Variants in SLC36A4 observed in about 807,000 individuals in gnomAD.
The protein encoded by SLC36A4 is solute carrier family 36 member 4.
Under a neutral mutation model 50.5 loss-of-function variants are expected in SLC36A4, and 49 were observed. The ratio of observed to expected loss-of-function variants is 0.97; its 90% CI spans 0.77 to 1.23. The LOEUF (loss-of-function observed/expected upper bound fraction) is 1.23, where lower values mean the gene tolerates loss of function less well. Ranked by LOEUF, SLC36A4 falls within the 50% of genes most tolerant of loss-of-function variation. The pLI is 0.00. For synonymous variants in SLC36A4, 207 were observed against 206.5 expected (o/e 1.00, Z -0.02); for missense variants, 611 against 608.4 (o/e 1.00, Z -0.05).
Position 93,184,450 on chromosome 11 carries a change from T to G in SLC36A4, c.250A>C (p.Ile84Leu), listed in dbSNP as rs1286137531. 1 of 1,609,076 alleles carries G rather than the reference T, an allele frequency of 6.2e-7. No homozygotes were observed. Among genetic ancestry groups the G allele is most frequent in the Non-Finnish European group, 8.5e-7 (1 of 1,175,724 alleles). The change falls in exon 3 of 11, where the codon ATA becomes CTA. Residue 84 changes from isoleucine to leucine, a missense_variant. Transcript: ENST00000326402. ...CTTACCACTATGCCTGCATTTTTTA[T>G]TGCCAATGGAAGTCCTAAAAGGCCA... is the stretch of plus-strand genomic sequence containing the variant. ...GTGLLGLPLA[I>L]KNAGIVLGPI... is the part of the protein sequence containing the mutation.
At chr11:93,186,367 C>T (rs1441327076) in intron 1 of SLC36A4, among the ~76,000 whole-genome samples, 1 of 152,108 alleles carries the variant, frequency 6.6e-6, no homozygotes, top group Non-Finnish European at 1.5e-5. Flanking sequence ...ATTTAATCTA[C>T]ATTCCATATT....
In SLC36A4 at chr11:93,185,685, A is replaced by G; in HGVS notation, c.179+6T>C. The G allele has an allele frequency of 1.7e-5, 27 of 1,580,194 alleles. No homozygotes were observed. The highest frequency in any genetic ancestry group is 2.3e-5 in the Non-Finnish European group (27 of 1,170,102). On this transcript the variant is annotated splice_donor_region_variant and intron_variant, in intron 2 of 10. Coordinates refer to ENST00000326402, the MANE Select transcript of SLC36A4 (RefSeq NM_152313.4). ...GAAAAGGAGACTTATAAACCATAAC[A>G]CTTACGAAATGCCCTCTTGATCATC...
At chr11:93,171,400 C>T (rs1335106174) in intron 6 of SLC36A4, 6 of 152,088 alleles carry the variant, frequency 3.9e-5, no homozygotes, top group Admixed American at 6.6e-5. Flanking sequence ...AGACAATGTC[C>T]CATGGGGTGA....
chr11:93,173,316 G>GT (rs1393546037), intron 6 of SLC36A4, among the ~76,000 whole-genome samples: 1 of 148,984 alleles, frequency 6.7e-6, no homozygotes, highest in African/African-American at 2.5e-5. Context: ...TTGTAAATTT[G>GT]TTTGAGTTCA....
intron 1 of SLC36A4, among the ~76,000 whole-genome samples, chr11:93,196,786 C>T (rs565882516): frequency 9.8e-5 from 15 of 152,318 alleles, no homozygotes; most frequent in African/African-American, 3.4e-4. Context: ...CCTGAGTTCA[C>T]ATTTGGGTTC....
At chr11:93,180,065 A>G in intron 6 of SLC36A4, 1 of 941,702 alleles carries the variant, frequency 1.1e-6, no homozygotes. Flanking sequence ...AGACAATCCT[A>G]TATATTACTA....
At chr11:93,166,266 T>C in intron 7 of SLC36A4, 1 of 1,185,746 alleles carries the variant, frequency 8.4e-7, no homozygotes, top group Non-Finnish European at 1.0e-6. Flanking sequence ...CCTGATTACC[T>C]GCTTCCACCT....
chr11:93,157,918 G>A (rs1860440030), intron 9 of SLC36A4, among the ~76,000 whole-genome samples: 1 of 152,248 alleles, frequency 6.6e-6, no homozygotes, highest in South Asian at 2.1e-4. Flanking sequence ...TTGAACAGAA[G>A]TGGTGAGAGT....
At chr11:93,175,618 A>T (rs1861426116) in intron 6 of SLC36A4, among the ~76,000 whole-genome samples, 1 of 87,490 alleles carries the variant, frequency 1.1e-5, no homozygotes, top group Non-Finnish European at 3.0e-5. Context: ...CACTGCTTTG[A>T]ATGCGTCCCA....
chr11:93,179,310 G>A (rs755024115), intron 6 of SLC36A4, among the ~76,000 whole-genome samples: 17 of 152,276 alleles, frequency 1.1e-4, no homozygotes, highest in South Asian at 2.1e-4. Context: ...GCTAGTTTAC[G>A]GTGATGAACA....
chr11:93,162,219 T>TA (rs1860649291), intron 9 of SLC36A4, among the ~76,000 whole-genome samples: 2 of 152,170 alleles, frequency 1.3e-5, no homozygotes, highest in Non-Finnish European at 2.9e-5. Context: ...AATATTTTTT[T>TA]AAAAATCCCA....
intron 6 of SLC36A4, among the ~76,000 whole-genome samples, chr11:93,173,463 T>G (rs1346673870): frequency 1.0e-4 from 15 of 150,002 alleles, no homozygotes. Context: ...AGATCCCATT[T>G]GTCAATTTTG....
chr11:93,176,122 C>T (rs1045290575), intron 6 of SLC36A4, among the ~76,000 whole-genome samples: 7 of 149,438 alleles, frequency 4.7e-5, no homozygotes, highest in Non-Finnish European at 1.0e-4. Context: ...CTTTATGAAT[C>T]TGGGTGCTCC....
chr11:93,184,790 GACT>G (rs957049820), intron 2 of SLC36A4, among the ~76,000 whole-genome samples: 3 of 152,012 alleles, frequency 2.0e-5, no homozygotes, highest in African/African-American at 7.2e-5. Context: ...AATTAAAAAA[GACT>G]AAAGGCATTC....
In SLC36A4 at chr11:93,184,447, T is replaced by C. The variant is rs1355156862; in HGVS notation, c.253A>G (p.Lys85Glu). Residue 85 changes from lysine to glutamate, a missense_variant, in exon 3 of 11, where the codon AAA becomes GAA. Lys to Glu is a moderately conservative substitution (Grantham distance 56, BLOSUM62 1). Transcript: ENST00000326402. The stretch of plus-strand genomic sequence containing the variant: ...AGTCTTACCACTATGCCTGCATTTT[T>C]TATTGCCAATGGAAGTCCTAAAAGG... ...TGLLGLPLAI[K>E]NAGIVLGPIS... 2.5e-6 allele frequency: 4 copies of C among 1,608,388 alleles called. No homozygotes were observed. The highest frequency in any genetic ancestry group is 1.3e-5 in the African/African-American group (1 of 74,804).
At position 93,146,420 on chromosome 11, in the gene SLC36A4, A is replaced by G. The variant is rs892791125; in HGVS notation, c.*2117T>C. On this transcript the variant is annotated 3_prime_UTR_variant, in exon 11 of 11. Transcript: ENST00000326402. ...AGTTTCAGTGAAGATTCGTTTTCCTATAACTTCTTCTGCATTCTCTTAGTA... is the reference window on the plus strand; with the variant it reads ...AGTTTCAGTGAAGATTCGTTTTCCTGTAACTTCTTCTGCATTCTCTTAGTA... 6.6e-6 allele frequency: 1 copy of G among 152,008 alleles called. No homozygotes were observed. The highest frequency in any genetic ancestry group is 1.5e-5 in the Non-Finnish European group (1 of 67,948). The allele number at this position is 152,008 out of a possible 1,614,324, so 9.4% of individuals were successfully genotyped here.
Position 93,148,483 on chromosome 11 carries a change from C to T in SLC36A4, c.*54G>A, listed in dbSNP as rs184826050. On this transcript the variant is annotated 3_prime_UTR_variant, in exon 11 of 11. Coordinates refer to ENST00000326402, the MANE Select transcript of SLC36A4 (RefSeq NM_152313.4). ...TATAGCAATGTATTTTACTAGTTATCTTGATAATTTTCAGAAATGGGACAA... is the reference window on the plus strand; with the variant it reads ...TATAGCAATGTATTTTACTAGTTATTTTGATAATTTTCAGAAATGGGACAA... 10 of 1,467,980 alleles carry T rather than the reference C, an allele frequency of 6.8e-6. No individual in the cohort carries two copies. Among genetic ancestry groups the T allele is most frequent in the East Asian group, 2.3e-5 (1 of 44,110 alleles). The allele number at this position is 1,467,980 out of a possible 1,614,324, so 90.9% of individuals were successfully genotyped here.
chr11:93,164,484 A>G (rs1178596125), intron 8 of SLC36A4, among the ~76,000 whole-genome samples: 1 of 152,208 alleles, frequency 6.6e-6, no homozygotes, highest in Non-Finnish European at 1.5e-5. Flanking sequence ...TGCATGCAGC[A>G]TTTTATGCAA....
intron 10 of SLC36A4, among the ~76,000 whole-genome samples, chr11:93,150,435 C>T (rs10830988): frequency 0.63 from 96,199 of 151,808 alleles, 31,130 homozygotes; most frequent in East Asian, 0.81. Context: ...GTGGGATCAA[C>T]TTGGAACTAA....
Sources: gnomAD v4.1 joint callset for allele counts (sites outside exome capture counted in the v4.1 genomes callset) on GRCh38, gnomAD v4.1.1 for gene constraint, MANE v1.5 for transcripts, NCBI Gene and HGNC (gene_info 2026-07-23, HGNC 2026-07-21) for gene names.